The following FOXK1 variants were observed in gnomAD, a reference collection of about 807,000 sequenced individuals.
The protein encoded by FOXK1 is forkhead box K1, also known as forkhead box protein K1.
In FOXK1, 19 loss-of-function variants were observed where a neutral mutation model predicts 51.9. The observed-to-expected ratio is 0.37, with a 90% CI of 0.26 to 0.54. The LOEUF (loss-of-function observed/expected upper bound fraction) is 0.54, where lower values mean the gene tolerates loss of function less well. FOXK1 is among the 20% of genes least tolerant of loss of function. The pLI, the probability that FOXK1 is intolerant of heterozygous loss-of-function variation, is 0.87. For missense variants in FOXK1, 870 were observed against 1,032.7 expected, an observed-to-expected ratio of 0.84 and a Z score of 2.16; for synonymous variants, 537 against 482.6, an observed-to-expected ratio of 1.11 and a Z score of -1.48.
At position 4,743,324 on chromosome 7, in the gene FOXK1, G is replaced by A. The variant is rs752026862; in HGVS notation, c.746+2301G>A. Among the ~76,000 whole-genome samples, 3 of 152,168 alleles carry A rather than the reference G, an allele frequency of 2.0e-5. No homozygotes were observed. The highest frequency in any genetic ancestry group is 2.9e-5 in the Non-Finnish European group (2 of 68,030). On this transcript the variant is annotated intron_variant, in intron 2 of 8. Transcript: ENST00000328914. This position sits in a 1 kb window ranked among gnomAD's most constrained non-coding sequence, Gnocchi z 5.3. ...TGCCAGCACTGTGGGAGGCCAAGGC[G>A]GGTGGATCACTTGAAGCCAGTTCGA...
rs1305611425 is a variant in FOXK1, at chr7:4,729,644, C to T, written c.561-11194C>T. ...TCTATCCTAATTCAGTGAGGTCTCT[C>T]GCCACCTTCCTCCAGGGTCTTCCTG... On this transcript the variant is annotated intron_variant, in intron 1 of 8. Transcript: ENST00000328914. The surrounding 1 kb of genome is among the most constrained non-coding windows in gnomAD (Gnocchi z 6.2). Among the ~76,000 whole-genome samples the T allele has an allele frequency of 6.6e-6, 1 of 152,186 alleles. No individual in the cohort carries two copies. The highest frequency in any genetic ancestry group is 1.5e-5 in the Non-Finnish European group (1 of 68,034).
chr7:4,732,730 C>T (rs1780494159), intron 1 of FOXK1, among the ~76,000 whole-genome samples: 1 of 152,222 alleles, frequency 6.6e-6, no homozygotes, highest in Admixed American at 6.5e-5. Flanking sequence ...GTCTGAGCTG[C>T]TATTCACTGA....
chr7:4,736,391 A>G (rs1388854084), intron 1 of FOXK1, among the ~76,000 whole-genome samples: 2 of 151,586 alleles, frequency 1.3e-5, no homozygotes, highest in East Asian at 3.9e-4. Context: ...ATACATATGT[A>G]CATATCATCT....
intron 1 of FOXK1, among the ~76,000 whole-genome samples, chr7:4,737,455 C>T (rs1407560071): frequency 1.9e-4 from 28 of 150,912 alleles, no homozygotes; most frequent in East Asian, 2.0e-4. Context: ...TGTGCGTGCA[C>T]GTGTGCATGT....
chr7:4,754,927 G>A, intron 3 of FOXK1: 3 of 568,552 alleles, frequency 5.3e-6, no homozygotes, highest in Non-Finnish European at 9.4e-6. Flanking sequence ...GAGCAGGATG[G>A]CGTTCTCCTT....
rs1464759441 is a variant in FOXK1 at position 4,722,695 on chromosome 7, G to A, written c.561-18143G>A. The stretch of plus-strand genomic sequence containing the variant: ...CTTGGGTGAAACGAGGAAGTCGTAG[G>A]AGACCCACCTCAGATGCTCGGGTGC... On this transcript the variant is annotated intron_variant, in intron 1 of 8. Coordinates refer to ENST00000328914, the MANE Select transcript of FOXK1 (RefSeq NM_001037165.2). This position sits in a 1 kb window ranked among gnomAD's most constrained non-coding sequence, Gnocchi z 5.1. Among the ~76,000 whole-genome samples the A allele has an allele frequency of 6.6e-6, 1 of 152,218 alleles. No individual in the cohort carries two copies.
intron 1 of FOXK1, among the ~76,000 whole-genome samples, chr7:4,726,546 C>T (rs184472886): frequency 1.8e-3 from 272 of 152,080 alleles, no homozygotes; most frequent in African/African-American, 6.2e-3. Flanking sequence ...CGCTTGAACC[C>T]GAGAGGTGGA....
At position 4,765,745 on chromosome 7, in the gene FOXK1, C is replaced by T. The variant is rs17135086; in HGVS notation, c.*3281C>T. 0.16 allele frequency: 24,914 copies of T among 152,362 alleles called. 5,132 individuals carry two copies. The highest frequency in any genetic ancestry group is 0.49 in the African/African-American group (20,261 of 41,522). 9.4% of individuals were successfully genotyped at this position (152,362 alleles called of 1,614,324 possible). A position where few individuals can be genotyped will look rare whatever the true frequency, so the allele number is the denominator to read the frequency against. ...CCAGTAACCCGCTTCTGTCTCCTGACTCCTGCTGGATAAATTGCCAGGTTT... is the reference window on the plus strand; with the variant it reads ...CCAGTAACCCGCTTCTGTCTCCTGATTCCTGCTGGATAAATTGCCAGGTTT... On this transcript the variant is annotated 3_prime_UTR_variant, in exon 9 of 9. Coordinates refer to ENST00000328914, the MANE Select transcript of FOXK1 (RefSeq NM_001037165.2).
chr7:4,697,256 GA>G (rs761924909), intron 1 of FOXK1, among the ~76,000 whole-genome samples: 1 of 152,156 alleles, frequency 6.6e-6, no homozygotes, highest in Non-Finnish European at 1.5e-5. Context: ...TCAAGCCAGT[GA>G]CCAGAGCTCA....
rs903727184 is a variant in FOXK1 at position 4,729,300 on chromosome 7, C to A, written c.561-11538C>A. On this transcript the variant is annotated intron_variant, in intron 1 of 8. Coordinates refer to ENST00000328914, the MANE Select transcript of FOXK1 (RefSeq NM_001037165.2). This position sits in a 1 kb window ranked among gnomAD's most constrained non-coding sequence, Gnocchi z 6.2. ...GGGAGTGGAACGTCTGCTAGAAATG[C>A]AGATCGCTGGGGCCACCGCCGTTTG... Among the ~76,000 whole-genome samples the A allele has an allele frequency of 6.6e-6, 1 of 152,158 alleles. No homozygotes were observed. The highest frequency in any genetic ancestry group is 1.9e-4 in the East Asian group (1 of 5,186).
At position 4,745,409 on chromosome 7, in the gene FOXK1, C is replaced by A. The variant is rs952671402; in HGVS notation, c.746+4386C>A. Among the ~76,000 whole-genome samples the A allele has an allele frequency of 1.3e-5, 2 of 148,944 alleles. No individual in the cohort carries two copies. The highest frequency in any genetic ancestry group is 6.7e-5 in the Admixed American group (1 of 15,020). The stretch of plus-strand genomic sequence containing the variant: ...CGCGCCACCCTGCGTCCTTCCTTTC[C>A]GTTTCTCGCAGGCCCTCGCTCCTTT... On this transcript the variant is annotated intron_variant, in intron 2 of 8. Coordinates refer to ENST00000328914, the MANE Select transcript of FOXK1 (RefSeq NM_001037165.2). The surrounding 1 kb of genome is among the most constrained non-coding windows in gnomAD (Gnocchi z 4.3).
chr7:4,714,085 C>G (rs1173244074), intron 1 of FOXK1, among the ~76,000 whole-genome samples: 1 of 152,174 alleles, frequency 6.6e-6, no homozygotes, highest in East Asian at 1.9e-4. Flanking sequence ...CTCAGCTTCC[C>G]AGAGTGCTGG....
In FOXK1 at chr7:4,683,144, C is replaced by T. The variant is rs1282227797; in HGVS notation, c.560+276C>T. On this transcript the variant is annotated intron_variant, in intron 1 of 8. Coordinates refer to ENST00000328914, the MANE Select transcript of FOXK1 (RefSeq NM_001037165.2). This position sits in a 1 kb window ranked among gnomAD's most constrained non-coding sequence, Gnocchi z 4.5. ...TGGATACCCCGTCGCCCCCGACCCC[C>T]ACCGGCCTGGACTCTGGGGTCAGCC... Among the ~76,000 whole-genome samples, 1 of 151,860 alleles carries T rather than the reference C, an allele frequency of 6.6e-6. No homozygotes were observed. The highest frequency in any genetic ancestry group is 2.4e-5 in the African/African-American group (1 of 41,328).
intron 1 of FOXK1, among the ~76,000 whole-genome samples, chr7:4,694,136 C>T (rs1779925112): frequency 6.6e-6 from 1 of 152,218 alleles, no homozygotes; most frequent in South Asian, 2.1e-4. Context: ...ATCCTCCCAC[C>T]TGGGCTTCCC....
chr7:4,708,733 G>A, intron 1 of FOXK1, among the ~76,000 whole-genome samples: 1 of 152,174 alleles, frequency 6.6e-6, no homozygotes, highest in Admixed American at 6.5e-5. Flanking sequence ...TCAGAGCCTG[G>A]TTGGATATTG....
In FOXK1 at chr7:4,761,381, G is replaced by A. The variant is rs151247646; in HGVS notation, c.1921+93G>A. On this transcript the variant is annotated intron_variant, in intron 8 of 8. Coordinates refer to ENST00000328914, the MANE Select transcript of FOXK1 (RefSeq NM_001037165.2). The surrounding 1 kb of genome is among the most constrained non-coding windows in gnomAD (Gnocchi z 6.2). ...TGAGAATGTTCTCCCAGTATCTCCCGATCCTCCACTCAGTTCAATTTATTG... is the reference window on the plus strand; with the variant it reads ...TGAGAATGTTCTCCCAGTATCTCCCAATCCTCCACTCAGTTCAATTTATTG... 5.2e-5 allele frequency: 64 copies of A among 1,231,336 alleles called. No homozygotes were observed. In the African/African-American group the frequency reaches 8.2e-4, roughly 16 times the overall value. The allele number at this position is 1,231,336 out of a possible 1,614,324, so 76.3% of individuals were successfully genotyped here.
rs573373573 is a variant in FOXK1, at chr7:4,703,060, AC to A, written c.560+20196del. 4.3e-3 allele frequency among the ~76,000 whole-genome samples: 658 copies of A among 151,962 alleles called. 8 individuals carry two copies. The highest frequency in any genetic ancestry group is 0.015 in the African/African-American group (633 of 41,434). On this transcript the variant is annotated intron_variant, in intron 1 of 8. Transcript: ENST00000328914. This position sits in a 1 kb window ranked among gnomAD's most constrained non-coding sequence, Gnocchi z 5.6. ...CTGCCAGGTCCGGTTGGGGACCGAGACCCCTGGTTGCTTGCACTGCTGGGTG... is the reference window on the plus strand; with the variant it reads ...CTGCCAGGTCCGGTTGGGGACCGAGACCCTGGTTGCTTGCACTGCTGGGTG...
In FOXK1 at chr7:4,754,844, G is replaced by A. The variant is rs561579548; in HGVS notation, c.903+229G>A. The A allele has an allele frequency of 1.8e-4, 114 of 628,728 alleles. 1 individual carries two copies. The highest frequency in any genetic ancestry group is 1.5e-3 in the African/African-American group (80 of 54,462). 38.9% of individuals were successfully genotyped at this position (628,728 alleles called of 1,614,324 possible). ...TGGTGACAGGGGTGGCGCCGTCACC[G>A]AGGGCCCCTCCCGCCACGCTCCTTG... is the stretch of plus-strand genomic sequence containing the variant. On this transcript the variant is annotated intron_variant, in intron 3 of 8. Coordinates refer to ENST00000328914, the MANE Select transcript of FOXK1 (RefSeq NM_001037165.2).
chr7:4,716,230 CAAA>C (rs773976151), intron 1 of FOXK1, among the ~76,000 whole-genome samples: 1 of 115,718 alleles, frequency 8.6e-6, no homozygotes. Flanking sequence ...ACCCTATCTA[CAAA>C]AAAAAAAAAA....
Sources: allele counts gnomAD v4.1 joint callset (sites outside exome capture counted in the v4.1 genomes callset), GRCh38; gene constraint gnomAD v4.1.1; non-coding constraint Gnocchi (gnomAD v3.1); transcripts MANE v1.5; gene names NCBI Gene and HGNC (gene_info 2026-07-23, HGNC 2026-07-21).